DENND4C: variants seen among roughly 807,000 people sequenced by gnomAD.
DENND4C encodes DENN domain containing 4C, also known as DENN domain-containing protein 4C.
A neutral mutation model predicts 203.0 loss-of-function variants in DENND4C; 108 were observed. The ratio of observed to expected loss-of-function variants is 0.53; its 90% CI spans 0.46 to 0.62. The LOEUF (loss-of-function observed/expected upper bound fraction) is 0.62, where lower values mean the gene tolerates loss of function less well. DENND4C is among the 20% of genes least tolerant of loss of function. The probability of loss-of-function intolerance (pLI) is 0.00; values close to 1 mark genes in which losing one functional copy is unlikely to be tolerated. For missense variants in DENND4C, 2,481 were observed against 2,301.2 expected (o/e 1.08, Z -1.60); for synonymous variants, 871 against 792.4 (o/e 1.10, Z -1.67).
At chr9:19,257,568 A>C (rs778367606) in intron 1 of DENND4C, among the ~76,000 whole-genome samples, 1 of 151,610 alleles carries the variant, frequency 6.6e-6, no homozygotes, top group Non-Finnish European at 1.5e-5. Flanking sequence ...AGTAAAATTC[A>C]AAGAAATATG....
chr9:19,283,610 CTT>C (rs553611899), intron 2 of DENND4C, among the ~76,000 whole-genome samples: 164 of 116,580 alleles, frequency 1.4e-3, no homozygotes, highest in Non-Finnish European at 2.4e-3. Flanking sequence ...TTTTTTCTTT[CTT>C]TTTTTTTTTT....
At chr9:19,253,730 T>C (rs1306852614) in intron 1 of DENND4C, among the ~76,000 whole-genome samples, 1 of 152,002 alleles carries the variant, frequency 6.6e-6, no homozygotes, top group Non-Finnish European at 1.5e-5. Flanking sequence ...TTTTTTTATC[T>C]TTTTTTTGAG....
Position 19,230,825 on chromosome 9 carries a change from A to C in DENND4C, c.-26A>C, listed in dbSNP as rs1248191204. The C allele has an allele frequency of 6.6e-6, 1 of 152,544 alleles. No individual in the cohort carries two copies. The highest frequency in any genetic ancestry group is 1.5e-5 in the Non-Finnish European group (1 of 68,304). The allele number at this position is 152,544 out of a possible 1,614,324, so 9.4% of individuals were successfully genotyped here. On this transcript the variant is annotated 5_prime_UTR_variant, in exon 1 of 33. Coordinates refer to ENST00000434457, the MANE Select transcript of DENND4C (RefSeq NM_001330640.2). ...GTCGGGGCTGCGCTGACAGAGGAGC[A>C]GGCAGCAGGTGAGGCTGCGGCGCGG...
At chr9:19,312,590 T>G (rs748387048) in intron 10 of DENND4C, among the ~76,000 whole-genome samples, 6 of 152,214 alleles carry the variant, frequency 3.9e-5, no homozygotes, top group Non-Finnish European at 8.8e-5. Context: ...TGAGCAGACA[T>G]GGAACAAGGG....
At chr9:19,266,540 C>A (rs1830536352) in intron 1 of DENND4C, among the ~76,000 whole-genome samples, 1 of 152,098 alleles carries the variant, frequency 6.6e-6, no homozygotes, top group South Asian at 2.1e-4. Context: ...GCCAAAAGAA[C>A]AAAGCTGGAG....
chr9:19,281,503 G>C (rs10757049), intron 2 of DENND4C, among the ~76,000 whole-genome samples: 1 of 151,964 alleles, frequency 6.6e-6, no homozygotes, highest in Non-Finnish European at 1.5e-5. Context: ...ATCTCATTAA[G>C]TTTAATATGA....
intron 1 of DENND4C, among the ~76,000 whole-genome samples, chr9:19,268,237 C>T (rs951618837): frequency 1.3e-5 from 2 of 151,916 alleles, no homozygotes; most frequent in Admixed American, 6.6e-5. Context: ...GTAGCTGGGA[C>T]CCCAGGTGTG....
chr9:19,353,330 C>CTT (rs1385240086), intron 26 of DENND4C, among the ~76,000 whole-genome samples: 1 of 152,018 alleles, frequency 6.6e-6, no homozygotes, highest in Non-Finnish European at 1.5e-5. Flanking sequence ...CCTTTAGCTG[C>CTT]TTTAAAAAAA....
In DENND4C at chr9:19,328,098, G is replaced by GTA. The variant is rs754249031; in HGVS notation, c.2190_2191dup (p.Arg731IlefsTer24). The GTA allele has an allele frequency of 6.2e-7, 1 of 1,613,548 alleles. No individual in the cohort carries two copies. Among genetic ancestry groups the GTA allele is most frequent in the Non-Finnish European group, 8.5e-7 (1 of 1,179,806 alleles). ...CCGCAGGAGTTGAAACTTTGTTTTAGTAGACACCCTACTGGGAATAGCATT... is the reference window on the plus strand; with the variant it reads ...CCGCAGGAGTTGAAACTTTGTTTTAGTATAGACACCCTACTGGGAATAGCATT... On this transcript the variant is annotated frameshift_variant, in exon 16 of 33. Transcript: ENST00000434457. LOFTEE classifies it high-confidence loss of function.
chr9:19,237,089 C>T lies in DENND4C; in HGVS notation c.-18+6256C>T, dbSNP rs112915482. Among the ~76,000 whole-genome samples the T allele has an allele frequency of 2.8e-3, 420 of 152,246 alleles. 2 individuals are homozygous for T. Among genetic ancestry groups the T allele is most frequent in the African/African-American group, 9.8e-3 (409 of 41,560 alleles). The stretch of plus-strand genomic sequence containing the variant: ...GGGCTGGAGTGCAATGGCACGATCT[C>T]GGCTCACTGCAGCCTCCACCTCCTC... On this transcript the variant is annotated intron_variant, in intron 1 of 32. Coordinates refer to ENST00000434457, the MANE Select transcript of DENND4C (RefSeq NM_001330640.2).
chr9:19,252,445 G>A (rs1028438105), intron 1 of DENND4C, among the ~76,000 whole-genome samples: 2 of 152,080 alleles, frequency 1.3e-5, no homozygotes, highest in African/African-American at 2.4e-5. Flanking sequence ...TGGGTGTGGT[G>A]CTGCACATCT....
In DENND4C at chr9:19,328,165, C is replaced by A; in HGVS notation, c.2253+3C>A. On this transcript the variant is annotated splice_donor_region_variant and intron_variant, in intron 16 of 32. Transcript: ENST00000434457. ...TCATGGCTAAGAGAACTAAACAGGT[C>A]AGATATTCTTTATCTAATACATGTT... 6.3e-7 allele frequency: 1 copy of A among 1,599,724 alleles called. No homozygotes were observed. The highest frequency in any genetic ancestry group is 1.1e-5 in the South Asian group (1 of 87,950).
rs72700417 is a variant in DENND4C at position 19,346,731 on chromosome 9, C to T, written c.3962C>T (p.Ala1321Val). 0.015 allele frequency: 24,389 copies of T among 1,614,114 alleles called. 230 individuals are homozygous for T. The highest frequency in any genetic ancestry group is 0.018 in the Non-Finnish European group (21,680 of 1,180,012). Residue 1321 changes from alanine (A) to valine (V), a missense_variant, in exon 23 of 33, where the codon GCT becomes GTT. This residue lies in a region of DENND4C where 2,289 missense variants were observed against 2,113.3 expected (regional missense o/e 1.08). Coordinates refer to ENST00000434457, the MANE Select transcript of DENND4C (RefSeq NM_001330640.2). ...ESGMTTAFIH[A>V]LERRSSLPLD... is the part of the protein sequence containing the mutation. ...GGCATGACTACTGCATTTATTCATG[C>T]TCTAGAGAGGAGATCAAGCCTACCT...
intron 10 of DENND4C, among the ~76,000 whole-genome samples, chr9:19,315,513 G>A (rs970060611): frequency 2.7e-5 from 4 of 149,744 alleles, no homozygotes; most frequent in East Asian, 3.9e-4. Flanking sequence ...ATACATGTAT[G>A]TATATACATG....
At chr9:19,301,440 TA>T (rs1838556722) in intron 9 of DENND4C, among the ~76,000 whole-genome samples, 1 of 152,184 alleles carries the variant, frequency 6.6e-6, no homozygotes, top group South Asian at 2.1e-4. Context: ...AAATACTTGT[TA>T]AAACAACAAA....
At chr9:19,302,595 G>A (rs940654847) in intron 9 of DENND4C, among the ~76,000 whole-genome samples, 1 of 152,126 alleles carries the variant, frequency 6.6e-6, no homozygotes, top group Non-Finnish European at 1.5e-5. Context: ...AGGATCCTTT[G>A]TGAGTGATAG....
At chr9:19,262,574 G>C (rs1829647602) in intron 1 of DENND4C, among the ~76,000 whole-genome samples, 3 of 151,916 alleles carry the variant, frequency 2.0e-5, no homozygotes, top group Admixed American at 6.6e-5. Context: ...TGGGACTACA[G>C]GTGTGCACTC....
chr9:19,316,393 A>T, intron 10 of DENND4C, 24 bp from the exon 11 acceptor site: 1 of 1,576,292 alleles, frequency 6.3e-7, no homozygotes. Flanking sequence ...AACACATTTT[A>T]TGAATTTTGT....
intron 20 of DENND4C, among the ~76,000 whole-genome samples, chr9:19,338,296 C>T (rs1161875190): frequency 6.6e-6 from 1 of 151,796 alleles, no homozygotes; most frequent in Non-Finnish European, 1.5e-5. Context: ...TGTATGAAAA[C>T]GTTTACCAGG....
Sources: gnomAD v4.1 joint callset for allele counts (sites outside exome capture counted in the v4.1 genomes callset) on GRCh38, gnomAD v4.1.1 for gene constraint, gnomAD v4.1.1 regional missense constraint, MANE v1.5 for transcripts, NCBI Gene and HGNC (gene_info 2026-07-23, HGNC 2026-07-21) for gene names.